The following NDUFA1 variants were observed in gnomAD, a reference collection of about 807,000 sequenced individuals.
The protein encoded by NDUFA1 is NADH:ubiquinone oxidoreductase subunit A1, also known as NADH dehydrogenase [ubiquinone] 1 alpha subcomplex subunit 1.
For missense variants in NDUFA1, 42 were observed against 56.0 expected (o/e 0.75, Z 0.80); for synonymous variants, 21 against 20.0 (o/e 1.05, Z -0.14).
rs1039967500 is a variant in NDUFA1, at chrX:119,876,448, A to G, written c.193-66A>G. The stretch of plus-strand genomic sequence containing the variant: ...ATGCCATTTAATGACACTGGAAATA[A>G]AAGTACATGGCATATCTTTGATGGG... On this transcript the variant is annotated intron_variant, in intron 2 of 2. Coordinates refer to ENST00000371437, the MANE Select transcript of NDUFA1 (RefSeq NM_004541.4). 8.1e-6 allele frequency: 9 copies of G among 1,111,175 alleles called. No individual in the cohort carries two copies. In the African/African-American group the frequency reaches 1.6e-4, roughly 20 times the overall value. 91.6% of individuals were successfully genotyped at this position (1,111,175 alleles called of 1,213,427 possible).
Position 119,871,864 on chromosome X carries a change from C to T in NDUFA1, c.-48C>T. 8.4e-7 allele frequency: 1 copy of T among 1,184,059 alleles called. No homozygotes were observed. Among genetic ancestry groups the T allele is most frequent in the Non-Finnish European group, 1.1e-6 (1 of 869,721 alleles). On this transcript the variant is annotated 5_prime_UTR_variant, in exon 1 of 3. Transcript: ENST00000371437. ...GGGAAGAGAGGCGAAGCCAGGTCAC[C>T]TTTCAAGGACCCAGAAGTAGGGTTT...
chrX:119,875,120 A>G (rs935215356), intron 2 of NDUFA1, among the ~76,000 whole-genome samples: 15 of 110,619 alleles, frequency 1.4e-4, no homozygotes, highest in Non-Finnish European at 2.5e-4. Flanking sequence ...ACTTATCTGG[A>G]GCCATATTTC....
intron 2 of NDUFA1, among the ~76,000 whole-genome samples, chrX:119,875,317 C>CTTTTTTTTTTTTTTTT (rs61235666): frequency 1.3e-4 from 8 of 59,634 alleles, no homozygotes; most frequent in African/African-American, 5.9e-4. Context: ...ACTGATGAGT[C>CTTTTTTTTTTTTTTTT]TTTTTTTTTT....
intron 1 of NDUFA1, 117 bp downstream of exon 1, chrX:119,872,130 C>T: frequency 1.4e-6 from 1 of 725,622 alleles, no homozygotes; most frequent in Non-Finnish European, 2.1e-6. Context: ...TACTTGCTTC[C>T]GGTTGCCTAG....
chrX:119,872,020 C>T lies in NDUFA1; in HGVS notation c.102+7C>T, dbSNP rs757847978. The T allele has an allele frequency of 8.3e-7, 1 of 1,207,278 alleles. No homozygotes were observed. The highest frequency in any genetic ancestry group is 1.7e-5 in the African/African-American group (1 of 57,912). On this transcript the variant is annotated splice_region_variant and intron_variant, in intron 1 of 2. Coordinates refer to ENST00000371437, the MANE Select transcript of NDUFA1 (RefSeq NM_004541.4). ...GTTCACTAACGGGGGCAAGGTAAGCCGGCTTCGGCCCGGGGGCCGACTCCA... is the reference window on the plus strand; with the variant it reads ...GTTCACTAACGGGGGCAAGGTAAGCTGGCTTCGGCCCGGGGGCCGACTCCA...
chrX:119,876,462 A>G, intron 2 of NDUFA1, 52 bp from the exon 3 acceptor site: 3 of 1,174,192 alleles, frequency 2.6e-6, no homozygotes, highest in Admixed American at 4.4e-5. Context: ...TACATGGCAT[A>G]TCTTTGATGG....
At chrX:119,873,252 A>G (rs914831432) in intron 1 of NDUFA1, 52 bp from the exon 2 acceptor site, 15 of 962,671 alleles carry the variant, frequency 1.6e-5, no homozygotes, top group South Asian at 3.9e-5. Flanking sequence ...GTATCTATCA[A>G]TTGGGTCACT....
In NDUFA1 at chrX:119,872,009, G is replaced by A. The variant is rs1244103337; in HGVS notation, c.98G>A (p.Gly33Asp). Residue 33 changes from glycine (G) to aspartate (D), a missense_variant, in exon 1 of 3, where the codon GGC (glycine) becomes GAC (aspartate). By Grantham distance (94) the Gly-to-Asp change is moderately conservative. Coordinates refer to ENST00000371437, the MANE Select transcript of NDUFA1 (RefSeq NM_004541.4). ...TAYIHRFTNGGKEKRVAHFGY... is the reference protein window; with the variant it reads ...TAYIHRFTNGDKEKRVAHFGY... ...TACATCCACAGGTTCACTAACGGGGGCAAGGTAAGCCGGCTTCGGCCCGGG... is the reference window on the plus strand; with the variant it reads ...TACATCCACAGGTTCACTAACGGGGACAAGGTAAGCCGGCTTCGGCCCGGG... The A allele has an allele frequency of 8.3e-7, 1 of 1,211,025 alleles. No individual in the cohort carries two copies.
chrX:119,873,783 TTTG>T (rs1164404671), intron 2 of NDUFA1, among the ~76,000 whole-genome samples: 1 of 111,251 alleles, frequency 9.0e-6, no homozygotes, highest in African/African-American at 3.3e-5. Context: ...TGTATCATGT[TTTG>T]TTGTTCTGGA....
Position 119,876,632 on chromosome X carries a change from G to A in NDUFA1, c.*98G>A, listed in dbSNP as rs2056438344. On this transcript the variant is annotated 3_prime_UTR_variant, in exon 3 of 3. Coordinates refer to ENST00000371437, the MANE Select transcript of NDUFA1 (RefSeq NM_004541.4). Reference sequence around the variant, plus strand: ...TATTATGTAGCATGCAATGTGTTATGTAGTGCTTAATAAAAATAAAATGAA... The same window carrying A: ...TATTATGTAGCATGCAATGTGTTATATAGTGCTTAATAAAAATAAAATGAA... The A allele has an allele frequency of 4.0e-6, 3 of 751,748 alleles. No homozygotes were observed. The highest frequency in any genetic ancestry group is 4.3e-5 in the African/African-American group (2 of 46,908). 62.0% of individuals were successfully genotyped at this position (751,748 alleles called of 1,213,427 possible). A position where few individuals can be genotyped will look rare whatever the true frequency, so the allele number is the denominator to read the frequency against.
At chrX:119,873,528 A>G in intron 2 of NDUFA1, 135 bp downstream of exon 2, 3 of 413,849 alleles carry the variant, frequency 7.2e-6, no homozygotes, top group South Asian at 4.6e-5. Flanking sequence ...CTTTTTACAT[A>G]TTTAATCTTT....
Position 119,873,545 on chromosome X carries a change from TC to T in NDUFA1, c.192+153del, listed in dbSNP as rs1308601085. On this transcript the variant is annotated intron_variant, in intron 2 of 2. Coordinates refer to ENST00000371437, the MANE Select transcript of NDUFA1 (RefSeq NM_004541.4). ...TTTTACATATTTAATCTTTTATATT[TC>T]TTTTTTTTTTTTAGTTTTTCTTCTG... 51 of 399,493 alleles carry T rather than the reference TC, an allele frequency of 1.3e-4. No homozygotes were observed. In the Admixed American group the frequency reaches 1.3e-3, roughly 11 times the overall value. The allele number at this position is 399,493 out of a possible 1,213,427, so 32.9% of individuals were successfully genotyped here.
At chrX:119,872,047 G>C (rs373736978) in intron 1 of NDUFA1, 34 bp downstream of exon 1, 1 of 1,172,905 alleles carries the variant, frequency 8.5e-7, no homozygotes, top group Non-Finnish European at 1.2e-6. Flanking sequence ...CCGACTCCAC[G>C]GGCTGATTTC....
At chrX:119,875,317 C>CTTTTTTTTTTTTTTTTTTTTTT (rs61235666) in intron 2 of NDUFA1, among the ~76,000 whole-genome samples, 5 of 59,623 alleles carry the variant, frequency 8.4e-5, no homozygotes, top group African/African-American at 3.7e-4. Flanking sequence ...ACTGATGAGT[C>CTTTTTTTTTTTTTTTTTTTTTT]TTTTTTTTTT....
chrX:119,873,060 T>A lies in NDUFA1; in HGVS notation c.103-244T>A, dbSNP rs2428220. On this transcript the variant is annotated intron_variant, in intron 1 of 2. Coordinates refer to ENST00000371437, the MANE Select transcript of NDUFA1 (RefSeq NM_004541.4). ...CTAGATATTTCTTTTTTTTTTTTTTTAAAAAAAAAGGAAAAAAAATTCATG... is the reference window on the plus strand; with the variant it reads ...CTAGATATTTCTTTTTTTTTTTTTTAAAAAAAAAAGGAAAAAAAATTCATG... Among the ~76,000 whole-genome samples, 43,797 of 100,426 alleles carry A rather than the reference T, an allele frequency of 0.44. 7,699 individuals are homozygous for A. Among genetic ancestry groups the A allele is most frequent in the East Asian group, 0.65 (2,113 of 3,232 alleles). 87.2% of individuals were successfully genotyped at this position (100,426 alleles called of 115,157 possible).
chrX:119,872,105 C>T, intron 1 of NDUFA1, 92 bp downstream of exon 1: 2 of 907,511 alleles, frequency 2.2e-6, no homozygotes, highest in Non-Finnish European at 3.2e-6. Context: ...AACCCTCTCT[C>T]CGAGGTCGGC....
chrX:119,875,449 C>T (rs1461930755), intron 2 of NDUFA1, among the ~76,000 whole-genome samples: 1 of 106,882 alleles, frequency 9.4e-6, no homozygotes, highest in Non-Finnish European at 1.9e-5. Flanking sequence ...CTCAGCCTCA[C>T]GAGTAGCTGG....
In NDUFA1 at chrX:119,871,859, G is replaced by A; in HGVS notation, c.-53G>A. ...TTGCTGGGAAGAGAGGCGAAGCCAG[G>A]TCACCTTTCAAGGACCCAGAAGTAG... On this transcript the variant is annotated 5_prime_UTR_variant, in exon 1 of 3. Transcript: ENST00000371437. The A allele has an allele frequency of 1.7e-6, 2 of 1,174,294 alleles. No individual in the cohort carries two copies. Among genetic ancestry groups the A allele is most frequent in the Non-Finnish European group, 2.3e-6 (2 of 860,729 alleles).
chrX:119,872,639 G>T (rs934881949), intron 1 of NDUFA1, among the ~76,000 whole-genome samples: 16 of 107,328 alleles, frequency 1.5e-4, no homozygotes, highest in East Asian at 6.1e-4. Flanking sequence ...AATAAAGAAA[G>T]AAATTTTCCT....
Sources: gnomAD v4.1 joint callset for allele counts (sites outside exome capture counted in the v4.1 genomes callset) on GRCh38, gnomAD v4.1.1 for gene constraint, MANE v1.5 for transcripts, NCBI Gene and HGNC (gene_info 2026-07-23, HGNC 2026-07-21) for gene names.